GUCY1B1: variants seen among roughly 807,000 people sequenced by gnomAD.
The protein encoded by GUCY1B1 is guanylate cyclase 1 soluble subunit beta 1, also known as guanylate cyclase soluble subunit beta-1.
Under a neutral mutation model 71.0 loss-of-function variants are expected in GUCY1B1, and 43 were observed. The observed-to-expected ratio is 0.61, with a 90% CI of 0.47 to 0.78. The LOEUF is 0.78. Ranked by LOEUF, GUCY1B1 falls within the 30% of genes least tolerant of loss-of-function variation. GUCY1B1 has a pLI of 0.00. For missense variants in GUCY1B1, 535 were observed against 754.1 expected (o/e 0.71, Z 3.40); for synonymous variants, 266 against 259.7 (o/e 1.02, Z -0.23).
chr4:155,803,499 G>C (rs1740096946), intron 10 of GUCY1B1, 125 bp from the exon 11 acceptor site: 1 of 530,364 alleles, frequency 1.9e-6, no homozygotes, highest in Non-Finnish European at 3.1e-6. Flanking sequence ...AATTTTAAGA[G>C]AATTAAAGGG....
intron 5 of GUCY1B1, among the ~76,000 whole-genome samples, chr4:155,793,492 T>A (rs1295893057): frequency 6.6e-6 from 1 of 152,238 alleles, no homozygotes; most frequent in African/African-American, 2.4e-5. Flanking sequence ...TATTGTAATC[T>A]TATTTGATAG....
intron 5 of GUCY1B1, among the ~76,000 whole-genome samples, chr4:155,792,021 TATAAA>T (rs1739216935): frequency 1.3e-5 from 2 of 152,208 alleles, no homozygotes. Flanking sequence ...TGGTTCACTT[TATAAA>T]ATATTTAAAT....
Position 155,806,825 on chromosome 4 carries a change from G to A in GUCY1B1, c.*416G>A, listed in dbSNP as rs1740351258. 6.2e-6 allele frequency: 1 copy of A among 160,058 alleles called. No individual in the cohort carries two copies. The highest frequency in any genetic ancestry group is 2.4e-5 in the African/African-American group (1 of 41,680). 9.9% of individuals were successfully genotyped at this position (160,058 alleles called of 1,614,324 possible). A position where few individuals can be genotyped will look rare whatever the true frequency, so the allele number is the denominator to read the frequency against. On this transcript the variant is annotated 3_prime_UTR_variant, in exon 14 of 14. Transcript: ENST00000264424. ...TTTAGTGTTCCACATATATGTATAT[G>A]TATATTTTAATGACTATAATGTAAT...
chr4:155,776,883 A>G (rs1320459045), intron 3 of GUCY1B1, among the ~76,000 whole-genome samples: 1 of 152,194 alleles, frequency 6.6e-6, no homozygotes, highest in African/African-American at 2.4e-5. Flanking sequence ...GAAGTAGTAT[A>G]TCAAATATAT....
intron 8 of GUCY1B1, among the ~76,000 whole-genome samples, chr4:155,799,640 C>A (rs1341859945): frequency 6.6e-6 from 1 of 152,130 alleles, no homozygotes; most frequent in Non-Finnish European, 1.5e-5. Context: ...AGACTGATGG[C>A]ACCAAAAAGT....
At chr4:155,772,582 A>AT in intron 2 of GUCY1B1, 28 of 596,250 alleles carry the variant, frequency 4.7e-5, no homozygotes, top group South Asian at 7.7e-5. Flanking sequence ...ACACCTGCCT[A>AT]ATTTTTTTTT....
intron 4 of GUCY1B1, among the ~76,000 whole-genome samples, chr4:155,782,288 A>G (rs578164557): frequency 1.3e-5 from 2 of 152,134 alleles, no homozygotes; most frequent in South Asian, 4.2e-4. Flanking sequence ...AGGGGGTTTC[A>G]CCGTGTTAGC....
intron 4 of GUCY1B1, among the ~76,000 whole-genome samples, chr4:155,786,765 G>A (rs972440638): frequency 1.5e-4 from 22 of 151,536 alleles, no homozygotes; most frequent in East Asian, 1.2e-3. Flanking sequence ...GAGGCACCGC[G>A]CCTGGCCAAT....
At chr4:155,760,445 A>G (rs1398734567) in intron 2 of GUCY1B1, among the ~76,000 whole-genome samples, 2 of 27,592 alleles carry the variant, frequency 7.2e-5, no homozygotes, top group African/African-American at 4.0e-4. Flanking sequence ...CCCAACCCCT[A>G]TCCCCCGTTT....
chr4:155,766,520 A>C (rs1019698350), intron 2 of GUCY1B1, among the ~76,000 whole-genome samples: 8 of 152,296 alleles, frequency 5.3e-5, no homozygotes, highest in Middle Eastern at 3.4e-3. Flanking sequence ...TGTTCATTGT[A>C]ATTGTTAATA....
At chr4:155,784,297 G>A (rs1276983328) in intron 4 of GUCY1B1, among the ~76,000 whole-genome samples, 3 of 152,048 alleles carry the variant, frequency 2.0e-5, no homozygotes, top group Non-Finnish European at 4.4e-5. Context: ...GCAGCTCCAG[G>A]AAGAAAAGGC....
intron 4 of GUCY1B1, among the ~76,000 whole-genome samples, chr4:155,778,323 G>A (rs1738194100): frequency 6.6e-6 from 1 of 152,146 alleles, no homozygotes. Context: ...ACTATTTCTG[G>A]ATTGACTATA....
At chr4:155,762,880 G>A (rs1164315468) in intron 2 of GUCY1B1, among the ~76,000 whole-genome samples, 1 of 152,116 alleles carries the variant, frequency 6.6e-6, no homozygotes, top group Admixed American at 6.5e-5. Context: ...GTGATCCATG[G>A]GCTATAGTTT....
At chr4:155,780,404 C>A (rs938295724) in intron 4 of GUCY1B1, among the ~76,000 whole-genome samples, 3 of 152,122 alleles carry the variant, frequency 2.0e-5, no homozygotes, top group African/African-American at 7.2e-5. Context: ...CTCCTCTCTC[C>A]AAGCTCTGCC....
intron 1 of GUCY1B1, chr4:155,759,533 C>T (rs933115153): frequency 3.3e-5 from 16 of 490,728 alleles, no homozygotes; most frequent in African/African-American, 3.1e-4. Flanking sequence ...TCTCCCGGAG[C>T]GGTGACAGGT....
chr4:155,767,724 G>A (rs955676186), intron 2 of GUCY1B1, among the ~76,000 whole-genome samples: 10 of 152,106 alleles, frequency 6.6e-5, no homozygotes, highest in Non-Finnish European at 1.2e-4. Flanking sequence ...GCTCCCTCAA[G>A]CCAGAGTCTC....
chr4:155,765,773 T>C lies in GUCY1B1; in HGVS notation c.77+5913T>C, dbSNP rs1408209131. On this transcript the variant is annotated intron_variant, in intron 2 of 13. Coordinates refer to ENST00000264424, the MANE Select transcript of GUCY1B1 (RefSeq NM_000857.5). ...GCATTCCAGCCCCATGGGCCTGTTT[T>C]TAGTTTCTCAGCCATACCGAGCCTT... Among the ~76,000 whole-genome samples, 4 of 152,326 alleles carry C rather than the reference T, an allele frequency of 2.6e-5. No homozygotes were observed. In the East Asian group the frequency reaches 5.8e-4, roughly 22 times the overall value.
chr4:155,759,096 T>C lies in GUCY1B1; in HGVS notation c.-45T>C. On this transcript the variant is annotated 5_prime_UTR_variant, in exon 1 of 14. Coordinates refer to ENST00000264424, the MANE Select transcript of GUCY1B1 (RefSeq NM_000857.5). ...GCCTCTGCCTGGGTCCCTTCGGCCG[T>C]ACCTCTGCGTGGGGGCTGCCTCCCC... 6.3e-7 allele frequency: 1 copy of C among 1,582,024 alleles called. No homozygotes were observed. The highest frequency in any genetic ancestry group is 8.6e-7 in the Non-Finnish European group (1 of 1,163,754).
chr4:155,798,778 T>C (rs749487202), intron 8 of GUCY1B1, among the ~76,000 whole-genome samples: 10 of 152,170 alleles, frequency 6.6e-5, no homozygotes, highest in African/African-American at 1.4e-4. Context: ...TGACTTTGCA[T>C]TAAAAAAATT....
Sources: gnomAD v4.1 joint callset for allele counts (sites outside exome capture counted in the v4.1 genomes callset) on GRCh38, gnomAD v4.1.1 for gene constraint, MANE v1.5 for transcripts, NCBI Gene and HGNC (gene_info 2026-07-23, HGNC 2026-07-21) for gene names.